Variants in KCNK9 observed in about 807,000 individuals in gnomAD.
KCNK9 encodes potassium channel subfamily K member 9.
A neutral mutation model predicts 10.8 loss-of-function variants in KCNK9; 1 was observed. The observed-to-expected ratio is 0.09, with a 90% CI of 0.03 to 0.44. The LOEUF (loss-of-function observed/expected upper bound fraction) is 0.44. Among genes scored for constraint, KCNK9 ranks in the 20% least tolerant of loss-of-function variants. The pLI is 0.97. For synonymous variants in KCNK9, 231 were observed against 222.7 expected (o/e 1.04, Z -0.33); for missense variants, 303 against 515.0 (o/e 0.59, Z 3.98).
chr8:139,685,884 T>C (rs973002295), intron 1 of KCNK9, among the ~76,000 whole-genome samples: 3 of 152,222 alleles, frequency 2.0e-5, no homozygotes, highest in African/African-American at 7.2e-5. Flanking sequence ...GTTGAACTAA[T>C]TTACACTCCC....
At chr8:139,628,356 A>G (rs1586643013) in intron 1 of KCNK9, among the ~76,000 whole-genome samples, 3 of 152,380 alleles carry the variant, frequency 2.0e-5, no homozygotes, top group Admixed American at 2.0e-4. Context: ...CCTGCCCTGC[A>G]CAGCGTGCCG....
chr8:139,657,913 C>T (rs943828630), intron 1 of KCNK9, among the ~76,000 whole-genome samples: 2 of 152,180 alleles, frequency 1.3e-5, no homozygotes, highest in African/African-American at 4.8e-5. Context: ...CCCCTGCTCC[C>T]AGGATTCTCC....
chr8:139,652,154 A>G (rs1046243703), intron 1 of KCNK9, among the ~76,000 whole-genome samples: 4 of 152,148 alleles, frequency 2.6e-5, no homozygotes, highest in African/African-American at 9.7e-5. Flanking sequence ...GGGGCACATG[A>G]TCCCCAGCTT....
intron 1 of KCNK9, among the ~76,000 whole-genome samples, chr8:139,647,929 A>G (rs1815741267): frequency 6.6e-6 from 1 of 152,174 alleles, no homozygotes; most frequent in Non-Finnish European, 1.5e-5. Flanking sequence ...CAGCAATCCC[A>G]TTCCTAGGAA....
intron 2 of KCNK9, among the ~76,000 whole-genome samples, chr8:139,604,943 A>T (rs1817453549): frequency 6.6e-6 from 1 of 152,196 alleles, no homozygotes; most frequent in South Asian, 2.1e-4. Context: ...CAGCTGCTGC[A>T]GCATCACCTG....
At chr8:139,651,288 G>A (rs1047930033) in intron 1 of KCNK9, among the ~76,000 whole-genome samples, 3 of 152,182 alleles carry the variant, frequency 2.0e-5, no homozygotes, top group African/African-American at 7.2e-5. Flanking sequence ...TCCTCCACCT[G>A]TGGGGGTCCC....
rs562765227 is a variant in KCNK9 at position 139,658,604 on chromosome 8, T to G, written c.284-39505A>C. ...CGGAGGGGAGAGCACAACCCCTGCC[T>G]TCTGGAATTCAGCCACACCCACCAA... is the stretch of plus-strand genomic sequence containing the variant. On this transcript the variant is annotated intron_variant, in intron 1 of 1. Transcript: ENST00000520439. 5.9e-5 allele frequency among the ~76,000 whole-genome samples: 9 copies of G among 152,192 alleles called. No individual in the cohort carries two copies. In the South Asian group the frequency reaches 1.7e-3, roughly 28 times the overall value.
intron 1 of KCNK9, among the ~76,000 whole-genome samples, chr8:139,631,805 G>C (rs886294427): frequency 1.3e-5 from 2 of 152,192 alleles, no homozygotes; most frequent in African/African-American, 2.4e-5. Flanking sequence ...AATACCCTCT[G>C]TAAGTAATAA....
chr8:139,649,749 A>G (rs78299174), intron 1 of KCNK9, among the ~76,000 whole-genome samples: 2,323 of 152,018 alleles, frequency 0.015, 60 homozygotes, highest in African/African-American at 0.051. Flanking sequence ...CCCTGGGGGG[A>G]AAAAAATTGC....
chr8:139,621,432 G>C (rs1814777600), intron 1 of KCNK9, among the ~76,000 whole-genome samples: 1 of 152,074 alleles, frequency 6.6e-6, no homozygotes, highest in African/African-American at 2.4e-5. Context: ...GATAATGAAA[G>C]TAGCCAGAGA....
intron 1 of KCNK9, among the ~76,000 whole-genome samples, chr8:139,620,292 A>T (rs2447347): frequency 6.6e-6 from 1 of 152,196 alleles, no homozygotes. Flanking sequence ...AATCCTGCCC[A>T]TCAAGATAGA....
At chr8:139,688,620 G>A (rs562616210) in intron 1 of KCNK9, among the ~76,000 whole-genome samples, 5 of 152,310 alleles carry the variant, frequency 3.3e-5, no homozygotes, top group African/African-American at 7.2e-5. Flanking sequence ...TGGGGACACA[G>A]AGCCAAACCA....
At chr8:139,643,696 C>T (rs975420978) in intron 1 of KCNK9, among the ~76,000 whole-genome samples, 5 of 152,208 alleles carry the variant, frequency 3.3e-5, no homozygotes, top group Non-Finnish European at 7.4e-5. Context: ...CTGGCAGCCC[C>T]CACCCCACCC....
chr8:139,648,753 C>T (rs1035015960), intron 1 of KCNK9, among the ~76,000 whole-genome samples: 2 of 152,222 alleles, frequency 1.3e-5, no homozygotes, highest in Admixed American at 6.5e-5. Context: ...GGCCTCTGGA[C>T]TCTTATGGGC....
chr8:139,683,988 C>T (rs967454926), intron 1 of KCNK9, among the ~76,000 whole-genome samples: 5 of 152,218 alleles, frequency 3.3e-5, no homozygotes, highest in African/African-American at 1.2e-4. Flanking sequence ...CTCCTTCTTC[C>T]TGCCTGGAAC....
chr8:139,695,166 C>T (rs1817021268), intron 1 of KCNK9, among the ~76,000 whole-genome samples: 1 of 152,218 alleles, frequency 6.6e-6, no homozygotes, highest in Non-Finnish European at 1.5e-5. Context: ...GACAGGGACA[C>T]TTTTGCTTAG....
At chr8:139,626,555 C>T (rs1398275539) in intron 1 of KCNK9, among the ~76,000 whole-genome samples, 2 of 152,126 alleles carry the variant, frequency 1.3e-5, no homozygotes, top group Non-Finnish European at 2.9e-5. Flanking sequence ...CACCTCCCTC[C>T]CTGGGCCTCT....
At chr8:139,611,312 TCA>T (rs1414072949), downstream of KCNK9, 1 of 152,272 alleles carries the variant, frequency 6.6e-6, no homozygotes, top group African/African-American at 2.4e-5. Context: ...AAACTGAAGC[TCA>T]GAGAGGCAAA....
At chr8:139,653,476 C>T (rs1815927792) in intron 1 of KCNK9, among the ~76,000 whole-genome samples, 1 of 152,020 alleles carries the variant, frequency 6.6e-6, no homozygotes, top group Admixed American at 6.5e-5. Flanking sequence ...CAGTGGTCTG[C>T]ACTCAGGACT....
Sources: allele counts gnomAD v4.1 joint callset (sites outside exome capture counted in the v4.1 genomes callset), GRCh38; gene constraint gnomAD v4.1.1; transcripts MANE v1.5; gene names NCBI Gene and HGNC (gene_info 2026-07-23, HGNC 2026-07-21).